EYA1: variants seen among roughly 807,000 people sequenced by gnomAD.
The protein encoded by EYA1 is EYA transcriptional coactivator and phosphatase 1.
Under a neutral mutation model 82.0 loss-of-function variants are expected in EYA1, and 16 were observed. That is an observed-to-expected ratio of 0.20 (90% CI 0.13 to 0.30). EYA1 has a LOEUF of 0.30. Among genes scored for constraint, EYA1 ranks in the 10% least tolerant of loss-of-function variants. The pLI is 1.00. For missense variants in EYA1, 633 were observed against 730.7 expected, an observed-to-expected ratio of 0.87 and a Z score of 1.54; for synonymous variants, 261 against 264.4, an observed-to-expected ratio of 0.99 and a Z score of 0.12.
intron 2 of EYA1, among the ~76,000 whole-genome samples, chr8:71,418,605 T>G (rs537477280): frequency 1.3e-5 from 2 of 152,360 alleles, no homozygotes; most frequent in South Asian, 4.1e-4. Flanking sequence ...CTTTTATGAA[T>G]ATTCAAATAT....
At chr8:71,212,476 T>C (rs1330736014) in intron 16 of EYA1, among the ~76,000 whole-genome samples, 2 of 152,354 alleles carry the variant, frequency 1.3e-5, no homozygotes, top group Admixed American at 6.5e-5. Context: ...CTTATGCGTT[T>C]TTGCAAAGTT....
chr8:71,251,623 T>C (rs1487097474), intron 11 of EYA1, among the ~76,000 whole-genome samples: 1 of 152,224 alleles, frequency 6.6e-6, no homozygotes, highest in African/African-American at 2.4e-5. Flanking sequence ...AAGTAAATAA[T>C]GATGAAATTG....
At chr8:71,386,067 C>T (rs1001956201) in intron 2 of EYA1, among the ~76,000 whole-genome samples, 2 of 152,092 alleles carry the variant, frequency 1.3e-5, no homozygotes, top group Non-Finnish European at 2.9e-5. Flanking sequence ...TACTTTCACG[C>T]CACTTAGGAA....
intron 2 of EYA1, among the ~76,000 whole-genome samples, chr8:71,371,741 A>G (rs1376868412): frequency 6.6e-6 from 1 of 152,166 alleles, no homozygotes; most frequent in Admixed American, 6.5e-5. Flanking sequence ...TGAACAGAGA[A>G]ATAAGAGAAG....
At chr8:71,471,749 C>T (rs184370633) in intron 2 of EYA1, among the ~76,000 whole-genome samples, 4 of 152,054 alleles carry the variant, frequency 2.6e-5, no homozygotes, top group African/African-American at 9.7e-5. Flanking sequence ...GGCTAGATGT[C>T]AGGGAAGGAT....
At chr8:71,415,424 AC>A (rs1248653354) in intron 2 of EYA1, among the ~76,000 whole-genome samples, 5 of 152,166 alleles carry the variant, frequency 3.3e-5, no homozygotes, top group African/African-American at 1.2e-4. Context: ...ACAGGTTCCC[AC>A]TTTTAGGGAT....
chr8:71,353,856 ACTT>A (rs1338446651), intron 3 of EYA1, among the ~76,000 whole-genome samples: 1 of 152,186 alleles, frequency 6.6e-6, no homozygotes, highest in African/African-American at 2.4e-5. Context: ...AATTTATTGA[ACTT>A]CTAGTGAAAG....
At chr8:71,283,146 A>G (rs961271672) in intron 9 of EYA1, among the ~76,000 whole-genome samples, 2 of 152,012 alleles carry the variant, frequency 1.3e-5, no homozygotes, top group African/African-American at 4.8e-5. Context: ...CCTTTCCCAG[A>G]GGCTCCAATG....
intron 2 of EYA1, among the ~76,000 whole-genome samples, chr8:71,473,678 G>A (rs1368648049): frequency 1.3e-5 from 2 of 152,062 alleles, no homozygotes; most frequent in African/African-American, 2.4e-5. Flanking sequence ...AATATCAATT[G>A]ACCCATCAAT....
At chr8:71,539,367 A>C (rs1485921821) in intron 1 of EYA1, among the ~76,000 whole-genome samples, 4 of 152,148 alleles carry the variant, frequency 2.6e-5, no homozygotes, top group African/African-American at 9.7e-5. Context: ...TTCCAAGGCC[A>C]CCACAACACA....
intron 4 of EYA1, among the ~76,000 whole-genome samples, chr8:71,326,022 A>G (rs959833374): frequency 2.2e-4 from 33 of 152,200 alleles, no homozygotes; most frequent in African/African-American, 7.5e-4. Flanking sequence ...TGGTCCTTTT[A>G]CCCTTAGAAC....
chr8:71,457,254 G>A (rs1385685082), intron 2 of EYA1, among the ~76,000 whole-genome samples: 1 of 152,104 alleles, frequency 6.6e-6, no homozygotes, highest in African/African-American at 2.4e-5. Context: ...TAAAAAGTCA[G>A]GAAACAACAG....
chr8:71,388,636 T>G (rs889967684), intron 2 of EYA1, among the ~76,000 whole-genome samples: 1 of 152,138 alleles, frequency 6.6e-6, no homozygotes, highest in Non-Finnish European at 1.5e-5. Context: ...TTATTCCATC[T>G]TCTAATTAAT....
intron 9 of EYA1, among the ~76,000 whole-genome samples, chr8:71,291,157 A>G (rs1818951784): frequency 6.6e-6 from 1 of 152,240 alleles, no homozygotes; most frequent in Non-Finnish European, 1.5e-5. Flanking sequence ...TAAGCATGTT[A>G]GCAAGTACAG....
rs139194909 is a variant in EYA1, at chr8:71,334,136, T to C, written c.163A>G (p.Thr55Ala). ...EPMSSSETAS[T>A]TADGSLNNFS... is the part of the protein sequence containing the mutation. ...TTGTTTAAAGACCCGTCGGCTGTCG[T>C]TGAAGCTGTTTCACTGCTGCTCATT... The change falls in exon 4 of 18, where the codon ACG (threonine) becomes GCG (alanine). Residue 55 changes from threonine to alanine, a missense_variant. Physicochemically the swap from Thr to Ala is moderately conservative, Grantham distance 58. Transcript: ENST00000340726. 11 of 1,613,696 alleles carry C rather than the reference T, an allele frequency of 6.8e-6. No homozygotes were observed. Among genetic ancestry groups the C allele is most frequent in the South Asian group, 5.5e-5 (5 of 91,084 alleles).
chr8:71,491,112 G>A (rs1232487058), intron 2 of EYA1, among the ~76,000 whole-genome samples: 1 of 152,182 alleles, frequency 6.6e-6, no homozygotes, highest in African/African-American at 2.4e-5. Context: ...ATTTTATAGA[G>A]AATATAAAGC....
chr8:71,321,825 A>G lies in EYA1; in HGVS notation c.327T>C (p.Tyr109=). 6.2e-7 allele frequency: 1 copy of G among 1,614,244 alleles called. No individual in the cohort carries two copies. Among genetic ancestry groups the G allele is most frequent in the Non-Finnish European group, 8.5e-7 (1 of 1,180,038 alleles). The change falls in exon 6 of 18, where the codon TAT becomes TAC. Residue 109 remains tyrosine (Y), a synonymous_variant. Transcript: ENST00000340726. ...PTPSSQTMAA[Y]GQTQFTTGMQ... ...TTCCTGTGGTAAACTGTGTTTGCCC[A>G]TATGCAGCCATAGTTTGTGAGGAAG...
intron 2 of EYA1, among the ~76,000 whole-genome samples, chr8:71,386,168 T>C (rs185682118): frequency 1.2e-4 from 18 of 152,334 alleles, no homozygotes; most frequent in Admixed American, 3.3e-4. Flanking sequence ...TATCCTCTTC[T>C]GATTCTCTGA....
intron 2 of EYA1, among the ~76,000 whole-genome samples, chr8:71,373,133 C>T (rs1828180436): frequency 6.6e-6 from 1 of 152,042 alleles, no homozygotes; most frequent in Non-Finnish European, 1.5e-5. Flanking sequence ...GAAGTATTCA[C>T]AAGAGCAGTC....
Sources: gnomAD v4.1 joint callset for allele counts (sites outside exome capture counted in the v4.1 genomes callset) on GRCh38, gnomAD v4.1.1 for gene constraint, MANE v1.5 for transcripts, NCBI Gene and HGNC (gene_info 2026-07-23, HGNC 2026-07-21) for gene names.